The following ABCA1 variants were observed in gnomAD, a reference collection of about 807,000 sequenced individuals.
ABCA1 encodes phospholipid-transporting ATPase ABCA1.
ABCA1 carries 133 observed loss-of-function variants against 262.5 expected under a neutral mutation model. The observed-to-expected ratio is 0.51, with a 90% CI of 0.44 to 0.59. ABCA1 has a LOEUF of 0.59. ABCA1 is among the 20% of genes least tolerant of loss of function. ABCA1 has a pLI of 0.00. For synonymous variants in ABCA1, 1,022 were observed against 1,043.5 expected (o/e 0.98, Z 0.40); for missense variants, 2,452 against 2,777.5 (o/e 0.88, Z 2.63).
intron 45 of ABCA1, 140 bp downstream of exon 45, chr9:104,788,286 G>T: frequency 5.0e-6 from 5 of 1,009,996 alleles, no homozygotes; most frequent in Non-Finnish European, 7.4e-6. Context: ...CACCCTGAAA[G>T]CAGATACAAA....
chr9:104,830,507 T>C (rs1336689404), intron 14 of ABCA1, among the ~76,000 whole-genome samples: 1 of 151,606 alleles, frequency 6.6e-6, no homozygotes, highest in Non-Finnish European at 1.5e-5. Flanking sequence ...CTGGGTAACA[T>C]GGTGAAACCT....
intron 5 of ABCA1, among the ~76,000 whole-genome samples, chr9:104,868,703 G>A (rs1036381393): frequency 6.6e-6 from 1 of 152,200 alleles, no homozygotes; most frequent in Non-Finnish European, 1.5e-5. Flanking sequence ...TGGGGCAAAG[G>A]AAAGGAAAAA....
intron 2 of ABCA1, among the ~76,000 whole-genome samples, chr9:104,894,890 A>G (rs2118372242): frequency 6.6e-6 from 1 of 152,346 alleles, no homozygotes. Flanking sequence ...TCTTCCCATC[A>G]TTGAACCTAG....
chr9:104,919,338 A>C (rs1416683600), intron 1 of ABCA1, among the ~76,000 whole-genome samples: 1 of 152,178 alleles, frequency 6.6e-6, no homozygotes, highest in East Asian at 1.9e-4. Flanking sequence ...TAGGCCGGGC[A>C]CTGTGGCTCA....
chr9:104,908,100 A>C (rs1276348105), intron 1 of ABCA1, among the ~76,000 whole-genome samples: 1 of 152,246 alleles, frequency 6.6e-6, no homozygotes, highest in Non-Finnish European at 1.5e-5. Context: ...ATGCAAATTA[A>C]AACCACAATG....
chr9:104,890,279 TA>T (rs1370051242), intron 2 of ABCA1, among the ~76,000 whole-genome samples: 2 of 152,176 alleles, frequency 1.3e-5, no homozygotes, highest in African/African-American at 4.8e-5. Flanking sequence ...CTTCTTTTTT[TA>T]AAAAAAGCAA....
intron 11 of ABCA1, 57 bp from the exon 12 acceptor site, chr9:104,832,828 C>CTACAAAATT (rs751511390): frequency 1.9e-6 from 3 of 1,553,396 alleles, no homozygotes; most frequent in Non-Finnish European, 1.8e-6. Context: ...TTGAGGAGCA[C>CTACAAAATT]TACAAAATTT....
chr9:104,873,427 C>T lies in ABCA1; in HGVS notation c.421+9612G>A, dbSNP rs115257506. On this transcript the variant is annotated intron_variant, in intron 5 of 49. Coordinates refer to ENST00000374736, the MANE Select transcript of ABCA1 (RefSeq NM_005502.4). ...AGATGGGCCTTGGGAAACATTCCAT[C>T]GGTGCCTGAAGCCAGGAAGTGGAGT... Among the ~76,000 whole-genome samples, 1,435 of 152,302 alleles carry T rather than the reference C, an allele frequency of 9.4e-3. 19 individuals carry two copies. Among genetic ancestry groups the T allele is most frequent in the African/African-American group, 0.033 (1,364 of 41,548 alleles).
chr9:104,887,795 C>G (rs376686340), intron 3 of ABCA1, among the ~76,000 whole-genome samples: 3 of 142,280 alleles, frequency 2.1e-5, no homozygotes, highest in Non-Finnish European at 1.5e-5. Context: ...GGCGCAATCT[C>G]GGCTCACTGC....
At chr9:104,803,355 G>A in intron 32 of ABCA1, 39 bp from the exon 33 acceptor site, 1 of 1,599,706 alleles carries the variant, frequency 6.3e-7, no homozygotes, top group Non-Finnish European at 8.6e-7. Context: ...TTCAAAGAAA[G>A]CACTGAGCCT....
At chr9:104,868,825 ACCTCTGGGACCCAGGTCCAGG>A (rs900203225) in intron 5 of ABCA1, among the ~76,000 whole-genome samples, 1 of 152,152 alleles carries the variant, frequency 6.6e-6, no homozygotes, top group African/African-American at 2.4e-5. Context: ...ACCAGCTGGG[ACCTCTGGGACCCAGGTCCAGG>A]CCTCTGGGAC....
intron 8 of ABCA1, among the ~76,000 whole-genome samples, chr9:104,842,315 G>C (rs958478328): frequency 6.6e-6 from 1 of 152,068 alleles, no homozygotes; most frequent in Non-Finnish European, 1.5e-5. Flanking sequence ...AGAGAACCAG[G>C]CCATTTTGCC....
chr9:104,827,517 T>C (rs914003190), intron 15 of ABCA1, among the ~76,000 whole-genome samples: 5 of 152,216 alleles, frequency 3.3e-5, no homozygotes, highest in African/African-American at 1.2e-4. Flanking sequence ...AGAAGAGCTG[T>C]GGGAGATAAT....
intron 6 of ABCA1, among the ~76,000 whole-genome samples, chr9:104,860,968 A>C (rs2472434): frequency 0.39 from 58,950 of 151,782 alleles, 13,217 homozygotes; most frequent in African/African-American, 0.63. Context: ...GTTGGCCAGG[A>C]TGGTCTCGAA....
intron 8 of ABCA1, among the ~76,000 whole-genome samples, chr9:104,841,187 G>A (rs1335364643): frequency 2.0e-5 from 3 of 152,152 alleles, no homozygotes; most frequent in Non-Finnish European, 2.9e-5. Flanking sequence ...TGTAATCCCA[G>A]TACTTTGGGA....
chr9:104,845,592 G>T, intron 7 of ABCA1, 23 bp from the exon 8 acceptor site: 1 of 1,503,448 alleles, frequency 6.7e-7, no homozygotes, highest in Non-Finnish European at 9.3e-7. Context: ...AGAAAACTTT[G>T]TTTCTGAATT....
intron 2 of ABCA1, among the ~76,000 whole-genome samples, chr9:104,894,817 G>C (rs1840061076): frequency 6.6e-6 from 1 of 152,230 alleles, no homozygotes; most frequent in South Asian, 2.1e-4. Flanking sequence ...CACACCACCT[G>C]AGCCAGAGAA....
At chr9:104,850,629 T>C (rs958910964) in intron 7 of ABCA1, among the ~76,000 whole-genome samples, 2 of 152,214 alleles carry the variant, frequency 1.3e-5, no homozygotes, top group African/African-American at 4.8e-5. Flanking sequence ...AAAGAATTCA[T>C]GCCTTGAAAC....
intron 3 of ABCA1, among the ~76,000 whole-genome samples, chr9:104,885,369 G>C (rs894307376): frequency 1.3e-5 from 2 of 152,174 alleles, no homozygotes; most frequent in Non-Finnish European, 2.9e-5. Context: ...CCTGCGGTTA[G>C]ATTGGAATTT....
Sources: gnomAD v4.1 joint callset for allele counts (sites outside exome capture counted in the v4.1 genomes callset) on GRCh38, gnomAD v4.1.1 for gene constraint, MANE v1.5 for transcripts, NCBI Gene and HGNC (gene_info 2026-07-23, HGNC 2026-07-21) for gene names.